Variants in ADGRV1 observed in about 807,000 individuals in gnomAD.
ADGRV1 encodes the protein G-protein coupled receptor 98.
ADGRV1 carries 359 observed loss-of-function variants against 596.2 expected under a neutral mutation model. That is an observed-to-expected ratio of 0.60 (90% confidence interval 0.55 to 0.66). ADGRV1 has a LOEUF of 0.66. Ranked by LOEUF, ADGRV1 falls within the 30% of genes least tolerant of loss-of-function variation. The pLI is 0.00. For synonymous variants in ADGRV1, 2,681 were observed against 2,679.2 expected (o/e 1.00, Z -0.02); for missense variants, 7,274 against 7,575.6 (o/e 0.96, Z 1.48).
intron 83 of ADGRV1, among the ~76,000 whole-genome samples, chr5:90,894,693 G>C (rs1391031948): frequency 1.3e-5 from 2 of 152,104 alleles, no homozygotes; most frequent in African/African-American, 4.8e-5. Flanking sequence ...ACTCAAGCAC[G>C]AACACAAGAA....
rs1167005390 is a variant in ADGRV1, at chr5:90,745,113, C to A, written c.10617C>A (p.Phe3539Leu). 1.9e-6 allele frequency: 3 copies of A among 1,613,622 alleles called. No homozygotes were observed. Among genetic ancestry groups the A allele is most frequent in the African/African-American group, 1.3e-5 (1 of 74,882 alleles). ...GCTGGAATTCGGAGCGTAATCAATT[C>A]TCTTTTGTTCTGGAAGTACCTTCTG... ...LYCWNSERNQ[F>L]SFVLEVPSAY... is the part of the protein sequence containing the mutation. The change falls in exon 51 of 90, where the codon TTC (phenylalanine) becomes TTA (leucine). Residue 3539 changes from phenylalanine (F) to leucine (L), a missense_variant. By Grantham distance (22) the Phe-to-Leu change is conservative. Around this residue, in one of 5 missense-constraint regions of ADGRV1, gnomAD observed 3,643 missense variants for 3,809.2 expected, o/e 0.96. Transcript: ENST00000405460.
intron 83 of ADGRV1, among the ~76,000 whole-genome samples, chr5:90,964,328 ATCAT>A (rs763650791): frequency 2.0e-5 from 3 of 152,172 alleles, no homozygotes; most frequent in East Asian, 1.9e-4. Flanking sequence ...TTTGGAATAA[ATCAT>A]TCATTCTTTT....
chr5:90,810,591 C>G lies in ADGRV1; in HGVS notation c.15331C>G (p.Pro5111Ala). 6.2e-7 allele frequency: 1 copy of G among 1,613,818 alleles called. No homozygotes were observed. The highest frequency in any genetic ancestry group is 1.1e-5 in the South Asian group (1 of 91,068). Residue 5111 changes from proline to alanine, a missense_variant, in exon 74 of 90, where the codon CCA (proline) becomes GCA (alanine). By Grantham distance (27) the Pro-to-Ala change is conservative. Around this residue, in one of 5 missense-constraint regions of ADGRV1, gnomAD observed 1,874 missense variants for 1,970.2 expected, o/e 0.95. Transcript: ENST00000405460. Reference sequence around the variant, plus strand: ...ACAAAAGTTTGATGTTAATTGGAGCCCACGCCTGAATCTAGATTTCAGTGT... The same window carrying G: ...ACAAAAGTTTGATGTTAATTGGAGCGCACGCCTGAATCTAGATTTCAGTGT... ...GLQKFDVNWS[P>A]RLNLDFSVAV... is the part of the protein sequence containing the mutation.
At chr5:90,904,440 C>T (rs537796358) in intron 83 of ADGRV1, among the ~76,000 whole-genome samples, 2 of 152,006 alleles carry the variant, frequency 1.3e-5, no homozygotes, top group Admixed American at 1.3e-4. Flanking sequence ...GCTTGTCTTT[C>T]GGATATAAGC....
chr5:90,672,760 G>C lies in ADGRV1; in HGVS notation c.4929+38G>C, dbSNP rs750088359. 6.7e-5 allele frequency: 98 copies of C among 1,463,564 alleles called. 2 individuals carry two copies. The South Asian group carries it at 1.4e-3, about 21-fold the overall frequency. 90.7% of individuals were successfully genotyped at this position (1,463,564 alleles called of 1,614,324 possible). ...TTTTTTGTTCCTTTGAAAGCCTCCT[G>C]GAAAGCTTTTCCTGAAGTGTTTGTT... On this transcript the variant is annotated intron_variant, in intron 22 of 89. Transcript: ENST00000405460.
intron 83 of ADGRV1, among the ~76,000 whole-genome samples, chr5:90,879,628 C>T (rs538150125): frequency 2.6e-5 from 4 of 151,678 alleles, no homozygotes; most frequent in South Asian, 4.2e-4. Context: ...AATGGTAAGG[C>T]GTATGTTTAA....
chr5:91,011,736 A>C (rs1299321259), intron 85 of ADGRV1, among the ~76,000 whole-genome samples: 1 of 151,718 alleles, frequency 6.6e-6, no homozygotes, highest in Non-Finnish European at 1.5e-5. Flanking sequence ...TTTCCCATTT[A>C]GATTTGATAA....
chr5:90,890,796 G>A (rs1489206868), intron 83 of ADGRV1, among the ~76,000 whole-genome samples: 1 of 152,048 alleles, frequency 6.6e-6, no homozygotes, highest in Non-Finnish European at 1.5e-5. Flanking sequence ...ATTTCTATCA[G>A]TGCCATGTAA....
chr5:90,771,784 A>C (rs1489543395), intron 59 of ADGRV1, among the ~76,000 whole-genome samples: 1 of 152,200 alleles, frequency 6.6e-6, no homozygotes, highest in South Asian at 2.1e-4. Context: ...TAAAGAAAGA[A>C]AGGGATTCCA....
intron 83 of ADGRV1, among the ~76,000 whole-genome samples, chr5:90,938,116 T>C (rs1818350): frequency 0.16 from 23,864 of 152,104 alleles, 2,609 homozygotes; most frequent in East Asian, 0.48. Context: ...CATTGGTATG[T>C]ATTTAGAGTG....
intron 85 of ADGRV1, among the ~76,000 whole-genome samples, chr5:91,052,709 C>T (rs1402158456): frequency 1.3e-5 from 2 of 152,104 alleles, no homozygotes; most frequent in African/African-American, 4.8e-5. Flanking sequence ...GCTGGGATTA[C>T]AAGTGTGAGC....
intron 86 of ADGRV1, among the ~76,000 whole-genome samples, chr5:91,088,375 T>G (rs1215566404): frequency 6.6e-6 from 1 of 152,156 alleles, no homozygotes; most frequent in African/African-American, 2.4e-5. Context: ...GAAAAAAAAT[T>G]TTTTTTACAA....
chr5:90,665,665 G>A (rs1192505473), intron 21 of ADGRV1, among the ~76,000 whole-genome samples: 1 of 148,922 alleles, frequency 6.7e-6, no homozygotes, highest in Non-Finnish European at 1.5e-5. Context: ...GCTTTTGAAT[G>A]TGTTTGCTCT....
intron 83 of ADGRV1, among the ~76,000 whole-genome samples, chr5:90,921,796 GT>G (rs571601390): frequency 0.023 from 2,832 of 124,400 alleles, 98 homozygotes; most frequent in African/African-American, 0.075. Flanking sequence ...GTTGTGTCTT[GT>G]TTTTTTTTTT....
intron 87 of ADGRV1, among the ~76,000 whole-genome samples, chr5:91,104,008 G>A (rs1791627000): frequency 6.6e-6 from 1 of 152,208 alleles, no homozygotes; most frequent in South Asian, 2.1e-4. Flanking sequence ...CCATGCTTGG[G>A]ATGCTGAGCT....
At chr5:91,163,080 T>C (rs1797089054) in intron 89 of ADGRV1, among the ~76,000 whole-genome samples, 1 of 152,208 alleles carries the variant, frequency 6.6e-6, no homozygotes, top group African/African-American at 2.4e-5. Context: ...GAACAAGGTG[T>C]TACTCTAGCA....
Position 91,062,262 on chromosome 5 carries a change from C to A in ADGRV1, c.18153-10185C>A, listed in dbSNP as rs574141384. The stretch of plus-strand genomic sequence containing the variant: ...TTTGCCCTGACATCAACTCTAGTGT[C>A]CACCAATAATGTGCAACTGTCCCTG... On this transcript the variant is annotated intron_variant, in intron 85 of 89. Coordinates refer to ENST00000405460, the MANE Select transcript of ADGRV1 (RefSeq NM_032119.4). Among the ~76,000 whole-genome samples, 11 of 152,320 alleles carry A rather than the reference C, an allele frequency of 7.2e-5. No individual in the cohort carries two copies. The East Asian group carries it at 2.1e-3, about 29-fold the overall frequency.
rs1295871311 is a variant in ADGRV1 at position 90,684,173 on chromosome 5, A to G, written c.6252A>G (p.Val2084=). The G allele has an allele frequency of 6.2e-7, 1 of 1,612,730 alleles. No homozygotes were observed. Among genetic ancestry groups the G allele is most frequent in the African/African-American group, 1.3e-5 (1 of 74,876 alleles). The change falls in exon 28 of 90, where the codon GTA becomes GTG. Residue 2084 remains valine (V), a synonymous_variant. Transcript: ENST00000405460. ...TCGAACTACTCAACTCTACTTTAGT[A>G]GCGAAAGTACAGAGTCGTTCAAGTA... The part of the protein sequence containing the change: ...VFIELLNSTL[V]AKVQSRSIPN...
intron 21 of ADGRV1, among the ~76,000 whole-genome samples, chr5:90,667,149 C>T (rs1242839584): frequency 6.7e-6 from 1 of 148,900 alleles, no homozygotes; most frequent in South Asian, 2.2e-4. Flanking sequence ...TGAATCTGAA[C>T]GTTGGCCTGC....
Sources: allele counts gnomAD v4.1 joint callset (sites outside exome capture counted in the v4.1 genomes callset), GRCh38; gene constraint gnomAD v4.1.1; regional missense constraint gnomAD v4.1.1; transcripts MANE v1.5; gene names NCBI Gene and HGNC (gene_info 2026-07-23, HGNC 2026-07-21).